The following STAT3 variants were observed in gnomAD, a reference collection of about 807,000 sequenced individuals.
STAT3 encodes signal transducer and activator of transcription 3, also known as DNA-binding protein APRF.
A neutral mutation model predicts 114.3 loss-of-function variants in STAT3; 7 were observed. That is an observed-to-expected ratio of 0.06 (90% CI 0.03 to 0.11). STAT3 has a LOEUF of 0.11. Ranked by LOEUF, STAT3 falls within the 10% of genes least tolerant of loss-of-function variation. STAT3 has a pLI of 1.00. For missense variants in STAT3, 364 were observed against 960.9 expected (o/e 0.38, Z 8.21); for synonymous variants, 331 against 354.5 (o/e 0.93, Z 0.74).
At chr17:42,365,661 T>G (rs1264080164) in intron 1 of STAT3, among the ~76,000 whole-genome samples, 1 of 151,128 alleles carries the variant, frequency 6.6e-6, no homozygotes, top group Non-Finnish European at 1.5e-5. Flanking sequence ...TGTTTTTTTT[T>G]GTTTTTTTTT....
intron 1 of STAT3, among the ~76,000 whole-genome samples, chr17:42,351,995 A>G (rs73313683): frequency 1.7e-3 from 254 of 151,730 alleles, no homozygotes; most frequent in African/African-American, 5.7e-3. Context: ...AACTCTTATC[A>G]GTTCAAGACC....
At chr17:42,384,133 T>TTTA (rs1555581285) in intron 1 of STAT3, among the ~76,000 whole-genome samples, 17 of 24,224 alleles carry the variant, frequency 7.0e-4, no homozygotes, top group Non-Finnish European at 1.8e-3. Context: ...TATTTATTTA[T>TTTA]TTTTTTTTTT....
In STAT3 at chr17:42,325,059, G is replaced by T. The variant is rs769425072; in HGVS notation, c.1368C>A (p.Thr456=). 14 of 1,613,896 alleles carry T rather than the reference G, an allele frequency of 8.7e-6. No homozygotes were observed. The Middle Eastern group carries it at 1.8e-3, about 209-fold the overall frequency. Residue 456 remains threonine (T), a splice_region_variant and synonymous_variant, in exon 16 of 24, where the codon ACC becomes ACA. Coordinates refer to ENST00000264657, the MANE Select transcript of STAT3 (RefSeq NM_139276.3). ...AGATCACCACAACTGGCAAGGAGTG[G>T]GTCTGCGGAGGGAGTGGGGACTGAG... ...YHQGLKIDLE[T]HSLPVVVISN...
chr17:42,334,439 C>CTTTT (rs56055491), intron 8 of STAT3, among the ~76,000 whole-genome samples: 3 of 70,216 alleles, frequency 4.3e-5, no homozygotes, highest in African/African-American at 1.4e-4. Flanking sequence ...TGCGCCTGGC[C>CTTTT]TTTTTTTTTT....
At chr17:42,316,169 C>T in intron 23 of STAT3, 2 of 899,438 alleles carry the variant, frequency 2.2e-6, no homozygotes, top group South Asian at 4.8e-5. Flanking sequence ...CTGTCAAAAG[C>T]CCACTGGATT....
At chr17:42,357,864 A>G (rs2083303222) in intron 1 of STAT3, among the ~76,000 whole-genome samples, 1 of 152,190 alleles carries the variant, frequency 6.6e-6, no homozygotes, top group South Asian at 2.1e-4. Flanking sequence ...GTACCTTTGT[A>G]AGATTTAAGA....
At chr17:42,374,610 CA>C (rs1260078348) in intron 1 of STAT3, among the ~76,000 whole-genome samples, 20 of 120,886 alleles carry the variant, frequency 1.7e-4, no homozygotes, top group African/African-American at 3.5e-4. Flanking sequence ...AACTCCATCT[CA>C]AAAAAAAAAA....
At chr17:42,334,686 C>A (rs1374106366) in intron 8 of STAT3, among the ~76,000 whole-genome samples, 1 of 152,118 alleles carries the variant, frequency 6.6e-6, no homozygotes, top group Non-Finnish European at 1.5e-5. Context: ...CTCAGGTGAT[C>A]CATCTGCCTC....
chr17:42,387,455 G>A (rs1303250871), intron 1 of STAT3: 2 of 152,168 alleles, frequency 1.3e-5, no homozygotes, highest in African/African-American at 4.8e-5. Context: ...ATGCAATTAA[G>A]CAACACCACA....
intron 1 of STAT3, among the ~76,000 whole-genome samples, chr17:42,353,701 T>G (rs2083087325): frequency 6.6e-6 from 1 of 152,030 alleles, no homozygotes; most frequent in Admixed American, 6.6e-5. Flanking sequence ...GGGACCTGAG[T>G]AGCTGGGACT....
rs61454571 is a variant in STAT3, at chr17:42,386,280, CA to C, written c.-24+1998del. On this transcript the variant is annotated intron_variant, in intron 1 of 23. Transcript: ENST00000264657. ...TGGGCAACAGAGCAAGACTCTGACT[CA>C]AAAAAAAAAAAAAAAAGAATTTCAC... Among the ~76,000 whole-genome samples the C allele has an allele frequency of 8.1e-3, 863 of 106,158 alleles. 3 individuals are homozygous for C. Among genetic ancestry groups the C allele is most frequent in the African/African-American group, 0.02 (579 of 29,398 alleles). The allele number at this position is 106,158 out of a possible 152,430, so 69.6% of individuals were successfully genotyped here. A position where few individuals can be genotyped will look rare whatever the true frequency, so the allele number is the denominator to read the frequency against.
chr17:42,382,026 TC>T (rs1421556298), intron 1 of STAT3, among the ~76,000 whole-genome samples: 2 of 152,210 alleles, frequency 1.3e-5, no homozygotes, highest in Non-Finnish European at 2.9e-5. Context: ...ATTAAGAACT[TC>T]TACTTATAGC....
intron 1 of STAT3, among the ~76,000 whole-genome samples, chr17:42,365,046 T>TTGGA (rs2145195132): frequency 6.6e-6 from 1 of 152,282 alleles, no homozygotes; most frequent in African/African-American, 2.4e-5. Context: ...TTTGTGGTGG[T>TTGGA]TGGATAACAT....
chr17:42,328,418 AT>A (rs938369205), intron 14 of STAT3, among the ~76,000 whole-genome samples: 3 of 152,068 alleles, frequency 2.0e-5, no homozygotes, highest in African/African-American at 7.2e-5. Context: ...TATTTTATTT[AT>A]TTTTTTGAGA....
At chr17:42,373,353 A>C (rs2084265698) in intron 1 of STAT3, among the ~76,000 whole-genome samples, 1 of 151,900 alleles carries the variant, frequency 6.6e-6, no homozygotes, top group Non-Finnish European at 1.5e-5. Context: ...TCCATCTCAA[A>C]AAAAAGAAAA....
intron 3 of STAT3, among the ~76,000 whole-genome samples, chr17:42,346,140 A>C (rs1294550862): frequency 1.3e-5 from 2 of 152,030 alleles, no homozygotes; most frequent in Non-Finnish European, 2.9e-5. Context: ...CAACCTCCTA[A>C]GGTGTTGGGA....
chr17:42,369,301 G>A (rs1309427710), intron 1 of STAT3, among the ~76,000 whole-genome samples: 2 of 152,148 alleles, frequency 1.3e-5, no homozygotes, highest in South Asian at 2.1e-4. Context: ...AGGTTGCAGT[G>A]AGCTGAAATC....
chr17:42,318,737 A>G (rs988302197), intron 21 of STAT3, among the ~76,000 whole-genome samples: 1 of 152,190 alleles, frequency 6.6e-6, no homozygotes, highest in South Asian at 2.1e-4. Flanking sequence ...GAGGGATCAG[A>G]GAGCATGATG....
intron 15 of STAT3, among the ~76,000 whole-genome samples, chr17:42,325,644 A>T (rs2081676467): frequency 6.6e-6 from 1 of 151,524 alleles, no homozygotes; most frequent in South Asian, 2.1e-4. Context: ...AGCTCACTGC[A>T]ACCTCTGCCT....
Sources: gnomAD v4.1 joint callset for allele counts (sites outside exome capture counted in the v4.1 genomes callset) on GRCh38, gnomAD v4.1.1 for gene constraint, MANE v1.5 for transcripts, NCBI Gene and HGNC (gene_info 2026-07-23, HGNC 2026-07-21) for gene names.